Variants in NDST3 observed in about 807,000 individuals in gnomAD.
NDST3 encodes bifunctional heparan sulfate N-deacetylase/N-sulfotransferase 3.
NDST3 carries 58 observed loss-of-function variants against 96.1 expected under a neutral mutation model. The ratio of observed to expected loss-of-function variants is 0.60; its 90% CI spans 0.49 to 0.75. NDST3 has a LOEUF of 0.75. NDST3 is among the 30% of genes least tolerant of loss of function. The pLI is 0.00. For missense variants in NDST3, 788 were observed against 1,034.2 expected, an observed-to-expected ratio of 0.76 and a Z score of 3.27; for synonymous variants, 333 against 359.7, an observed-to-expected ratio of 0.93 and a Z score of 0.84.
intron 6 of NDST3, among the ~76,000 whole-genome samples, chr4:118,165,591 T>C (rs1007276509): frequency 3.9e-5 from 6 of 151,990 alleles, no homozygotes; most frequent in African/African-American, 1.4e-4. Context: ...ATACAGAACA[T>C]TTTACTCAAC....
intron 4 of NDST3, among the ~76,000 whole-genome samples, chr4:118,125,300 C>A (rs1731955767): frequency 6.6e-6 from 1 of 152,052 alleles, no homozygotes; most frequent in African/African-American, 2.4e-5. Context: ...GAAGACCAGA[C>A]AAATTCTTTA....
intron 2 of NDST3, among the ~76,000 whole-genome samples, chr4:118,058,634 TGCGCGCGC>T (rs72236505): frequency 0.017 from 200 of 11,564 alleles, no homozygotes; most frequent in Middle Eastern, 0.1. Context: ...TGTGTGTGTG[TGCGCGCGC>T]GCGCACGCAT....
chr4:118,040,662 A>C (rs1227475851), intron 1 of NDST3, among the ~76,000 whole-genome samples: 2 of 151,622 alleles, frequency 1.3e-5, no homozygotes, highest in Non-Finnish European at 2.9e-5. Context: ...TGTATGTGCC[A>C]AACACTATTA....
intron 6 of NDST3, among the ~76,000 whole-genome samples, chr4:118,221,578 G>A (rs1403084529): frequency 1.3e-5 from 2 of 151,880 alleles, no homozygotes; most frequent in Non-Finnish European, 2.9e-5. Context: ...GGATTCACAG[G>A]GTTGATGCTA....
intron 12 of NDST3, among the ~76,000 whole-genome samples, chr4:118,252,599 A>G (rs2126015281): frequency 6.6e-6 from 1 of 152,344 alleles, no homozygotes; most frequent in African/African-American, 2.4e-5. Flanking sequence ...TGGCATAAAA[A>G]GTTCATTTAG....
Position 118,141,303 on chromosome 4 carries a change from A to AT in NDST3, c.1411-2252dup, listed in dbSNP as rs144352747. The stretch of plus-strand genomic sequence containing the variant: ...AAATGTTTCTCATCCTTTCCGTAGC[A>AT]TAAGAAAGCTGTTTCAAGGAACATG... On this transcript the variant is annotated intron_variant, in intron 5 of 13. Transcript: ENST00000296499. Among the ~76,000 whole-genome samples, 866 of 152,320 alleles carry AT rather than the reference A, an allele frequency of 5.7e-3. 11 individuals carry two copies. Among genetic ancestry groups the AT allele is most frequent in the African/African-American group, 0.02 (832 of 41,572 alleles).
chr4:118,137,960 A>T, intron 4 of NDST3, 94 bp from the exon 5 acceptor site: 1 of 1,044,106 alleles, frequency 9.6e-7, no homozygotes, highest in Non-Finnish European at 1.4e-6. Flanking sequence ...ATGCATTTAA[A>T]TATATATATT....
chr4:118,042,322 C>G (rs1724518909), intron 1 of NDST3, among the ~76,000 whole-genome samples: 1 of 152,140 alleles, frequency 6.6e-6, no homozygotes, highest in South Asian at 2.1e-4. Flanking sequence ...AAATATCTCT[C>G]ATTTCCATTC....
intron 6 of NDST3, among the ~76,000 whole-genome samples, chr4:118,157,504 C>T (rs901147390): frequency 6.0e-5 from 9 of 151,200 alleles, no homozygotes; most frequent in Non-Finnish European, 1.3e-4. Context: ...CAGCTCACTG[C>T]CTCCGCCTCC....
intron 3 of NDST3, among the ~76,000 whole-genome samples, chr4:118,114,089 AG>A (rs1730858471): frequency 6.6e-6 from 1 of 152,044 alleles, no homozygotes; most frequent in Non-Finnish European, 1.5e-5. Context: ...CTGACCCTTA[AG>A]GAAAAAAGAG....
intron 2 of NDST3, among the ~76,000 whole-genome samples, chr4:118,088,349 T>C (rs997617007): frequency 6.6e-6 from 1 of 152,046 alleles, no homozygotes; most frequent in African/African-American, 2.4e-5. Flanking sequence ...AGAAAATGTG[T>C]TTTTTCCTAG....
At chr4:118,176,284 C>A (rs989672151) in intron 6 of NDST3, among the ~76,000 whole-genome samples, 17 of 151,966 alleles carry the variant, frequency 1.1e-4, no homozygotes, top group Non-Finnish European at 2.2e-4. Flanking sequence ...GCAAACCTAT[C>A]CCCTACATAT....
At chr4:118,173,493 G>C (rs1736088944) in intron 6 of NDST3, among the ~76,000 whole-genome samples, 1 of 152,010 alleles carries the variant, frequency 6.6e-6, no homozygotes, top group African/African-American at 2.4e-5. Flanking sequence ...GAATGCTAGA[G>C]CAATAGCAAT....
chr4:118,251,283 C>T (rs1741715918), intron 12 of NDST3, among the ~76,000 whole-genome samples: 1 of 151,086 alleles, frequency 6.6e-6, no homozygotes, highest in South Asian at 2.1e-4. Context: ...CCTGCCACCA[C>T]GCCCGGCTAA....
At chr4:118,142,928 A>G (rs1339988901) in intron 5 of NDST3, among the ~76,000 whole-genome samples, 1 of 152,210 alleles carries the variant, frequency 6.6e-6, no homozygotes, top group African/African-American at 2.4e-5. Flanking sequence ...CACTTTCTAA[A>G]AGTAACAAAC....
intron 12 of NDST3, among the ~76,000 whole-genome samples, chr4:118,249,858 A>G (rs1741561970): frequency 6.6e-6 from 1 of 152,168 alleles, no homozygotes; most frequent in South Asian, 2.1e-4. Context: ...AAATATATAC[A>G]GTTGTACGTA....
At chr4:118,136,202 T>A (rs1733075869) in intron 4 of NDST3, among the ~76,000 whole-genome samples, 1 of 152,228 alleles carries the variant, frequency 6.6e-6, no homozygotes, top group African/African-American at 2.4e-5. Flanking sequence ...CAGCACCACA[T>A]AACATTTCCA....
intron 4 of NDST3, among the ~76,000 whole-genome samples, chr4:118,127,680 T>C (rs1178984835): frequency 6.6e-6 from 1 of 152,090 alleles, no homozygotes; most frequent in Admixed American, 6.6e-5. Context: ...TTCTGGATCT[T>C]CTGTGGTTCC....
At chr4:118,097,541 C>G (rs1034180876) in intron 2 of NDST3, among the ~76,000 whole-genome samples, 1 of 151,880 alleles carries the variant, frequency 6.6e-6, no homozygotes, top group Non-Finnish European at 1.5e-5. Flanking sequence ...GGTATGTTGC[C>G]TTTGCTCAGA....
Sources: allele counts gnomAD v4.1 joint callset (sites outside exome capture counted in the v4.1 genomes callset), GRCh38; gene constraint gnomAD v4.1.1; transcripts MANE v1.5; gene names NCBI Gene and HGNC (gene_info 2026-07-23, HGNC 2026-07-21).